Variants in ASIC2 observed in about 807,000 individuals in gnomAD.
ASIC2 encodes the protein acid sensing ion channel subunit 2.
Under a neutral mutation model 57.3 loss-of-function variants are expected in ASIC2, and 25 were observed. The observed-to-expected ratio is 0.44, with a 90% CI of 0.32 to 0.61. The LOEUF (loss-of-function observed/expected upper bound fraction) is 0.61. Among genes scored for constraint, ASIC2 ranks in the 20% least tolerant of loss-of-function variants. The pLI is 0.06. For synonymous variants in ASIC2, 319 were observed against 307.5 expected (o/e 1.04, Z -0.39); for missense variants, 641 against 738.1 (o/e 0.87, Z 1.52).
intron 1 of ASIC2, among the ~76,000 whole-genome samples, chr17:33,920,740 C>T (rs1915693123): frequency 6.6e-6 from 1 of 152,126 alleles, no homozygotes; most frequent in Admixed American, 6.5e-5. Context: ...TTTTTAAAAA[C>T]CTTTGTTCTG....
intron 1 of ASIC2, among the ~76,000 whole-genome samples, chr17:33,434,170 T>C (rs1351032911): frequency 2.0e-5 from 3 of 151,602 alleles, no homozygotes; most frequent in African/African-American, 7.3e-5. Context: ...AAAAGACAAA[T>C]GGTATTTGAG....
chr17:33,695,344 C>A (rs899128464), intron 1 of ASIC2, among the ~76,000 whole-genome samples: 4 of 152,036 alleles, frequency 2.6e-5, no homozygotes, highest in African/African-American at 9.7e-5. Context: ...TTGAAAGAGG[C>A]CACTGCTATG....
chr17:33,162,277 C>T (rs1204870004), intron 1 of ASIC2, among the ~76,000 whole-genome samples: 1 of 152,166 alleles, frequency 6.6e-6, no homozygotes, highest in Non-Finnish European at 1.5e-5. Flanking sequence ...GCAAATCCTG[C>T]GGCCACCCTG....
chr17:33,110,613 T>A (rs2092253814), intron 2 of ASIC2, among the ~76,000 whole-genome samples: 1 of 152,134 alleles, frequency 6.6e-6, no homozygotes, highest in Non-Finnish European at 1.5e-5. Context: ...CACACTCCCG[T>A]CCCTGCAACG....
chr17:33,658,919 C>G (rs1597824363), intron 1 of ASIC2, among the ~76,000 whole-genome samples: 1 of 152,286 alleles, frequency 6.6e-6, no homozygotes, highest in East Asian at 1.9e-4. Context: ...AAGAGAATTG[C>G]TTGAACCTGG....
intron 1 of ASIC2, among the ~76,000 whole-genome samples, chr17:33,697,789 T>G (rs544524191): frequency 6.6e-6 from 1 of 152,340 alleles, no homozygotes; most frequent in African/African-American, 2.4e-5. Context: ...CAACTATATG[T>G]ATATAGTGAT....
chr17:33,795,206 C>A (rs1490926), intron 1 of ASIC2, among the ~76,000 whole-genome samples: 84,721 of 152,038 alleles, frequency 0.56, 24,631 homozygotes, highest in Non-Finnish European at 0.65. Context: ...TCTGAGGCAC[C>A]TATTCCCTCA....
chr17:33,949,908 CAGAG>C (rs1465857504), intron 1 of ASIC2, among the ~76,000 whole-genome samples: 2 of 152,232 alleles, frequency 1.3e-5, no homozygotes, highest in African/African-American at 4.8e-5. Context: ...AATGAAAACT[CAGAG>C]AGCCTAGAGA....
chr17:33,848,584 C>A (rs1427155214), intron 1 of ASIC2, among the ~76,000 whole-genome samples: 2 of 152,186 alleles, frequency 1.3e-5, no homozygotes, highest in Non-Finnish European at 2.9e-5. Context: ...ATACAACATT[C>A]TGCAGAGTTG....
intron 1 of ASIC2, among the ~76,000 whole-genome samples, chr17:34,146,168 T>C (rs2142140051): frequency 6.6e-6 from 1 of 152,280 alleles, no homozygotes; most frequent in South Asian, 2.1e-4. Flanking sequence ...TGAATCCCAA[T>C]CAGAGAGATG....
chr17:34,095,959 G>A (rs1462225795), intron 1 of ASIC2, among the ~76,000 whole-genome samples: 1 of 151,826 alleles, frequency 6.6e-6, no homozygotes, highest in East Asian at 1.9e-4. Flanking sequence ...TTTTACAGAT[G>A]AGCAAACTAA....
At chr17:33,444,754 C>CT (rs1462061455) in intron 1 of ASIC2, among the ~76,000 whole-genome samples, 1 of 152,176 alleles carries the variant, frequency 6.6e-6, no homozygotes, top group Non-Finnish European at 1.5e-5. Context: ...AAGAGAGCTA[C>CT]TAAGCAGTGA....
Position 33,131,723 on chromosome 17 carries a change from G to A in ASIC2, c.709-19656C>T, listed in dbSNP as rs574291768. The A allele has an allele frequency of 3.3e-5, 5 of 152,366 alleles. No individual in the cohort carries two copies. In the South Asian group the frequency reaches 6.2e-4, roughly 19 times the overall value. 9.4% of individuals were successfully genotyped at this position (152,366 alleles called of 1,614,324 possible). A position where few individuals can be genotyped will look rare whatever the true frequency, so the allele number is the denominator to read the frequency against. ...CTCTGGGGCGGCCTGTCCTCTCCAA[G>A]AGGACCATGAGTGGCCATTGTTGGC... On this transcript the variant is annotated intron_variant, in intron 1 of 9. Coordinates refer to ENST00000225823, the MANE Select transcript of ASIC2 (RefSeq NM_183377.2).
intron 1 of ASIC2, among the ~76,000 whole-genome samples, chr17:33,305,581 T>C (rs1157870557): frequency 6.6e-6 from 1 of 152,240 alleles, no homozygotes; most frequent in Non-Finnish European, 1.5e-5. Context: ...TGTCATTTAA[T>C]GTTGGGGCAA....
intron 3 of ASIC2, among the ~76,000 whole-genome samples, chr17:33,079,163 C>A (rs1449211238): frequency 1.3e-5 from 2 of 152,074 alleles, no homozygotes; most frequent in Non-Finnish European, 2.9e-5. Flanking sequence ...ATGTAAGGCA[C>A]CATGTAAAAT....
At chr17:34,092,489 G>C (rs371454918) in intron 1 of ASIC2, among the ~76,000 whole-genome samples, 24 of 152,296 alleles carry the variant, frequency 1.6e-4, no homozygotes, top group East Asian at 1.2e-3. Flanking sequence ...AGGGAGGGCT[G>C]AGTGGGAGGG....
chr17:34,063,293 G>C (rs563490200), intron 1 of ASIC2, among the ~76,000 whole-genome samples: 391 of 152,244 alleles, frequency 2.6e-3, no homozygotes, highest in African/African-American at 9.2e-3. Flanking sequence ...AATAGATGCA[G>C]AAAAAGCATT....
At chr17:33,064,475 T>G (rs1312238311) in intron 3 of ASIC2, among the ~76,000 whole-genome samples, 1 of 152,200 alleles carries the variant, frequency 6.6e-6, no homozygotes. Flanking sequence ...TGCCTGGGTT[T>G]GTGGGTTCAG....
chr17:33,097,134 T>A (rs1482909004), intron 2 of ASIC2, among the ~76,000 whole-genome samples: 1 of 152,222 alleles, frequency 6.6e-6, no homozygotes, highest in East Asian at 1.9e-4. Flanking sequence ...GCTCAAATAC[T>A]TTGTGCCTTT....
Sources: gnomAD v4.1 joint callset for allele counts (sites outside exome capture counted in the v4.1 genomes callset) on GRCh38, gnomAD v4.1.1 for gene constraint, MANE v1.5 for transcripts, NCBI Gene and HGNC (gene_info 2026-07-23, HGNC 2026-07-21) for gene names.